The following TNFRSF21 variants were observed in gnomAD, a reference collection of about 807,000 sequenced individuals.
TNFRSF21 encodes the protein TNF receptor superfamily member 21, also known as tumor necrosis factor receptor superfamily member 21.
In TNFRSF21, 19 loss-of-function variants were observed where a neutral mutation model predicts 45.6. That is an observed-to-expected ratio of 0.42 (90% confidence interval 0.29 to 0.61). TNFRSF21 has a LOEUF of 0.61. Among genes scored for constraint, TNFRSF21 ranks in the 20% least tolerant of loss-of-function variants. The pLI is 0.23. For synonymous variants in TNFRSF21, 314 were observed against 335.5 expected (o/e 0.94, Z 0.70); for missense variants, 737 against 851.5 (o/e 0.87, Z 1.67).
At chr6:47,257,118 G>C (rs776799179) in intron 3 of TNFRSF21, among the ~76,000 whole-genome samples, 3 of 151,896 alleles carry the variant, frequency 2.0e-5, no homozygotes, top group Non-Finnish European at 4.4e-5. Context: ...GCAAATACAC[G>C]GCCTTTACGA....
intron 4 of TNFRSF21, among the ~76,000 whole-genome samples, chr6:47,248,869 T>C (rs1764858992): frequency 6.6e-6 from 1 of 152,214 alleles, no homozygotes; most frequent in South Asian, 2.1e-4. Flanking sequence ...CTGGAAATAA[T>C]TGCAACTATT....
At chr6:47,293,366 C>T (rs914199816) in intron 1 of TNFRSF21, among the ~76,000 whole-genome samples, 15 of 152,142 alleles carry the variant, frequency 9.9e-5, no homozygotes, top group South Asian at 2.1e-4. Context: ...TTTATAAACA[C>T]GTTTATTGGA....
chr6:47,247,000 G>A (rs556402846), intron 4 of TNFRSF21, among the ~76,000 whole-genome samples: 2 of 152,296 alleles, frequency 1.3e-5, no homozygotes, highest in African/African-American at 4.8e-5. Flanking sequence ...ATCACCACAA[G>A]TGAGTTATTG....
chr6:47,272,147 GC>G (rs918596530), intron 3 of TNFRSF21, among the ~76,000 whole-genome samples: 6 of 152,130 alleles, frequency 3.9e-5, no homozygotes, highest in African/African-American at 1.4e-4. Context: ...CTTGAACTCA[GC>G]TCTACAACAA....
chr6:47,298,105 A>G (rs12525548), intron 1 of TNFRSF21, among the ~76,000 whole-genome samples: 61,125 of 151,648 alleles, frequency 0.4, 13,599 homozygotes, highest in African/African-American at 0.6. Context: ...TTAGATAACT[A>G]GGGCAGAATT....
intron 3 of TNFRSF21, among the ~76,000 whole-genome samples, chr6:47,276,075 G>C (rs1392156070): frequency 6.6e-6 from 1 of 152,212 alleles, no homozygotes; most frequent in African/African-American, 2.4e-5. Context: ...GATCCAAAGA[G>C]AGAAAGTGCC....
At chr6:47,255,298 CTCACTTTGGTGT>C (rs1764969227) in intron 3 of TNFRSF21, among the ~76,000 whole-genome samples, 1 of 152,170 alleles carries the variant, frequency 6.6e-6, no homozygotes, top group South Asian at 2.1e-4. Context: ...CCCTGAGTAG[CTCACTTTGGTGT>C]CTCTCTGTTT....
At chr6:47,298,956 C>T (rs1762825275) in intron 1 of TNFRSF21, among the ~76,000 whole-genome samples, 1 of 152,196 alleles carries the variant, frequency 6.6e-6, no homozygotes, top group Non-Finnish European at 1.5e-5. Context: ...CCATAAAACG[C>T]TTTACTCATG....
In TNFRSF21 at chr6:47,234,361, T is replaced by C. The variant is rs532461723; in HGVS notation, c.1738+309A>G. On this transcript the variant is annotated intron_variant, in intron 5 of 5. Coordinates refer to ENST00000296861, the MANE Select transcript of TNFRSF21 (RefSeq NM_014452.5). ...GCTTGGTAAATAATTTTCAAAAATCTTGCCAGACTACATTTTATCAGGCCT... is the reference window on the plus strand; with the variant it reads ...GCTTGGTAAATAATTTTCAAAAATCCTGCCAGACTACATTTTATCAGGCCT... Among the ~76,000 whole-genome samples, 8 of 152,348 alleles carry C rather than the reference T, an allele frequency of 5.3e-5. No homozygotes were observed. The South Asian group carries it at 8.3e-4, about 16-fold the overall frequency.
At chr6:47,287,307 C>CCA (rs1762664076) in intron 1 of TNFRSF21, among the ~76,000 whole-genome samples, 1 of 20,874 alleles carries the variant, frequency 4.8e-5, no homozygotes, top group African/African-American at 1.2e-4. Flanking sequence ...AACTCTTTCT[C>CCA]AAAAAAAAAA....
intron 3 of TNFRSF21, among the ~76,000 whole-genome samples, chr6:47,274,071 T>C (rs9791275): frequency 0.32 from 48,778 of 152,018 alleles, 7,986 homozygotes; most frequent in Non-Finnish European, 0.35. Flanking sequence ...CAAAGTAATT[T>C]ATAGATTCAA....
chr6:47,244,874 C>G (rs1340959679), intron 4 of TNFRSF21, among the ~76,000 whole-genome samples: 1 of 152,184 alleles, frequency 6.6e-6, no homozygotes, highest in Non-Finnish European at 1.5e-5. Context: ...GTTATTGACA[C>G]TTGGGTTATA....
At chr6:47,274,876 A>T (rs1158834939) in intron 3 of TNFRSF21, among the ~76,000 whole-genome samples, 1 of 152,246 alleles carries the variant, frequency 6.6e-6, no homozygotes, top group African/African-American at 2.4e-5. Context: ...CAGCCAACAG[A>T]CACATGAAAA....
rs1764589683 is a variant in TNFRSF21, at chr6:47,231,932, A to G, written c.*833T>C. The G allele has an allele frequency of 6.5e-6, 1 of 152,694 alleles. No homozygotes were observed. The highest frequency in any genetic ancestry group is 2.1e-4 in the South Asian group (1 of 4,834). The allele number at this position is 152,694 out of a possible 1,614,324, so 9.5% of individuals were successfully genotyped here. A position where few individuals can be genotyped will look rare whatever the true frequency, so the allele number is the denominator to read the frequency against. ...AAAGTGCAGCAATGTGTTCCAGAAC[A>G]GCTCAAATCCTAAAAGGTGAAGTTC... is the stretch of plus-strand genomic sequence containing the variant. On this transcript the variant is annotated 3_prime_UTR_variant, in exon 6 of 6. Coordinates refer to ENST00000296861, the MANE Select transcript of TNFRSF21 (RefSeq NM_014452.5).
rs931169897 is a variant in TNFRSF21, at chr6:47,232,549, C to G, written c.*216G>C. ...TGGCAAAGGCTTATAAACCAACTTCCCAGAAGAGTTATTTAAAAAAAAAAG... is the reference window on the plus strand; with the variant it reads ...TGGCAAAGGCTTATAAACCAACTTCGCAGAAGAGTTATTTAAAAAAAAAAG... On this transcript the variant is annotated 3_prime_UTR_variant, in exon 6 of 6. Transcript: ENST00000296861. The G allele has an allele frequency of 1.1e-5, 6 of 540,884 alleles. No homozygotes were observed. The highest frequency in any genetic ancestry group is 3.9e-5 in the African/African-American group (2 of 51,444). 33.5% of individuals were successfully genotyped at this position (540,884 alleles called of 1,614,324 possible).
intron 5 of TNFRSF21, among the ~76,000 whole-genome samples, chr6:47,234,056 A>ATC (rs565599021): frequency 2.6e-5 from 4 of 152,118 alleles, no homozygotes; most frequent in Non-Finnish European, 5.9e-5. Context: ...CAGTGGCACA[A>ATC]TCTCAGCTCA....
chr6:47,286,138 T>A lies in TNFRSF21; in HGVS notation c.554A>T (p.Lys185Ile), dbSNP rs1319530502. The A allele has an allele frequency of 6.2e-7, 1 of 1,614,040 alleles. No homozygotes were observed. The highest frequency in any genetic ancestry group is 2.2e-5 in the East Asian group (1 of 44,894). The change falls in exon 2 of 6, where the codon AAA (lysine) becomes ATA (isoleucine). Residue 185 changes from lysine to isoleucine, a missense_variant. By Grantham distance (102) the Lys-to-Ile change is moderately radical. Transcript: ENST00000296861. ...TFSDVPSSVM[K>I]CKAYTDCLSQ... ...CAGACAGTCTGTGTATGCTTTGCAT[T>A]TCATCACACTAGAAGGCACATCTGA...
chr6:47,274,918 G>A (rs1056623398), intron 3 of TNFRSF21, among the ~76,000 whole-genome samples: 2 of 152,170 alleles, frequency 1.3e-5, no homozygotes, highest in African/African-American at 4.8e-5. Context: ...TCAGAGAAAT[G>A]CAAATCAAAA....
chr6:47,250,960 T>C (rs1420837708), intron 4 of TNFRSF21, among the ~76,000 whole-genome samples: 1 of 152,254 alleles, frequency 6.6e-6, no homozygotes, highest in Non-Finnish European at 1.5e-5. Context: ...TCTAATTTTG[T>C]ATAAAATTAC....
Sources: allele counts gnomAD v4.1 joint callset (sites outside exome capture counted in the v4.1 genomes callset), GRCh38; gene constraint gnomAD v4.1.1; transcripts MANE v1.5; gene names NCBI Gene and HGNC (gene_info 2026-07-23, HGNC 2026-07-21).